Variants in ARHGAP44 observed in about 807,000 individuals in gnomAD.
ARHGAP44 encodes the protein Rho GTPase activating protein 44.
In ARHGAP44, 43 loss-of-function variants were observed where a neutral mutation model predicts 106.8. The ratio of observed to expected loss-of-function variants is 0.40; its 90% confidence interval spans 0.32 to 0.52. The LOEUF (loss-of-function observed/expected upper bound fraction) is 0.52. Among genes scored for constraint, ARHGAP44 ranks in the 20% least tolerant of loss-of-function variants. The pLI, the probability that ARHGAP44 is intolerant of heterozygous loss-of-function variation, is 0.48. For missense variants in ARHGAP44, 866 were observed against 1,050.5 expected (o/e 0.82, Z 2.43); for synonymous variants, 439 against 410.3 (o/e 1.07, Z -0.85).
chr17:12,886,969 TTTTTTG>T (rs200160739), intron 1 of ARHGAP44, among the ~76,000 whole-genome samples: 1,370 of 133,372 alleles, frequency 0.01, 25 homozygotes, highest in East Asian at 0.053. Context: ...TAAGAGTTTT[TTTTTTG>T]TTTTTTTTTT....
intron 7 of ARHGAP44, among the ~76,000 whole-genome samples, chr17:12,932,575 A>G (rs1368627147): frequency 6.6e-6 from 1 of 152,216 alleles, no homozygotes; most frequent in East Asian, 1.9e-4. Flanking sequence ...GACATCTTCT[A>G]CACAAAAGTT....
At chr17:12,860,844 T>C (rs1482121247) in intron 1 of ARHGAP44, among the ~76,000 whole-genome samples, 2 of 138,728 alleles carry the variant, frequency 1.4e-5, no homozygotes, top group African/African-American at 5.7e-5. Flanking sequence ...CGGTATATGG[T>C]TTTTTTCTAT....
At chr17:12,963,046 C>CAAAAAAAAAAAAAA (rs71369355) in intron 16 of ARHGAP44, among the ~76,000 whole-genome samples, 3 of 70,948 alleles carry the variant, frequency 4.2e-5, no homozygotes, top group South Asian at 4.3e-4. Flanking sequence ...AACACCATCT[C>CAAAAAAAAAAAAAA]AAAAAAAAAA....
chr17:12,902,485 C>G (rs924705157), intron 3 of ARHGAP44, among the ~76,000 whole-genome samples: 1 of 152,204 alleles, frequency 6.6e-6, no homozygotes, highest in African/African-American at 2.4e-5. Flanking sequence ...TCATTTATTT[C>G]CATCATTGTG....
intron 1 of ARHGAP44, among the ~76,000 whole-genome samples, chr17:12,881,954 G>C (rs913278898): frequency 3.3e-5 from 5 of 152,116 alleles, no homozygotes; most frequent in African/African-American, 1.2e-4. Flanking sequence ...TCCTGCCTCA[G>C]CCTCCCAAAG....
intron 3 of ARHGAP44, among the ~76,000 whole-genome samples, chr17:12,905,948 C>T (rs2037533213): frequency 6.6e-6 from 1 of 152,194 alleles, no homozygotes; most frequent in African/African-American, 2.4e-5. Context: ...TCAACCATGG[C>T]ACTATTGCCA....
chr17:12,813,340 A>G (rs1433912187), intron 1 of ARHGAP44, among the ~76,000 whole-genome samples: 1 of 152,040 alleles, frequency 6.6e-6, no homozygotes, highest in Non-Finnish European at 1.5e-5. Flanking sequence ...AGCAAATCAA[A>G]AGTAAAAATA....
chr17:12,882,438 ATCT>A (rs1232431263), intron 1 of ARHGAP44, among the ~76,000 whole-genome samples: 1 of 152,244 alleles, frequency 6.6e-6, no homozygotes, highest in East Asian at 1.9e-4. Context: ...TAGTTTTAAA[ATCT>A]TCTATTTTAG....
In ARHGAP44 at chr17:12,949,820, C is replaced by T. The variant is rs142359119; in HGVS notation, c.1055+90C>T. ...TATAGAAGCATGTAACCTATGATCT[C>T]GCAACCCCGTTTCTTGATCTCTGCC... On this transcript the variant is annotated intron_variant, in intron 12 of 20. Transcript: ENST00000379672. This position sits in a 1 kb window ranked among gnomAD's most constrained non-coding sequence, Gnocchi z 4.1. 154 of 1,284,446 alleles carry T rather than the reference C, an allele frequency of 1.2e-4. No individual in the cohort carries two copies. In the Middle Eastern group the frequency reaches 1.7e-3, roughly 15 times the overall value. The allele number at this position is 1,284,446 out of a possible 1,614,324, so 79.6% of individuals were successfully genotyped here.
At chr17:12,843,455 G>A (rs1390430083) in intron 1 of ARHGAP44, among the ~76,000 whole-genome samples, 1 of 151,822 alleles carries the variant, frequency 6.6e-6, no homozygotes, top group South Asian at 2.1e-4. Flanking sequence ...TTAGACAGCT[G>A]CCCTAAAATT....
At chr17:12,887,393 T>C (rs1371138307) in intron 1 of ARHGAP44, among the ~76,000 whole-genome samples, 1 of 152,066 alleles carries the variant, frequency 6.6e-6, no homozygotes, top group Non-Finnish European at 1.5e-5. Context: ...CATGCCTGGC[T>C]AATTTTTTCT....
At chr17:12,952,100 A>C (rs772108913) in intron 12 of ARHGAP44, among the ~76,000 whole-genome samples, 1 of 152,196 alleles carries the variant, frequency 6.6e-6, no homozygotes, top group African/African-American at 2.4e-5. Context: ...CGGAAACTCA[A>C]AAAGGACACA....
At chr17:12,898,956 GATTTATTT>G (rs71369351) in intron 3 of ARHGAP44, among the ~76,000 whole-genome samples, 21,583 of 149,096 alleles carry the variant, frequency 0.14, 2,407 homozygotes, top group East Asian at 0.34. Flanking sequence ...TCACTGCATG[GATTTATTT>G]ATTTATTTAT....
intron 1 of ARHGAP44, among the ~76,000 whole-genome samples, chr17:12,876,131 C>A (rs932057099): frequency 6.6e-6 from 1 of 152,060 alleles, no homozygotes; most frequent in Non-Finnish European, 1.5e-5. Context: ...TTTATCAGGC[C>A]CCTGCAGCTC....
intron 6 of ARHGAP44, among the ~76,000 whole-genome samples, chr17:12,926,890 T>C (rs1020815497): frequency 6.6e-6 from 1 of 152,184 alleles, no homozygotes; most frequent in Non-Finnish European, 1.5e-5. Context: ...TAATCTACCA[T>C]TGTGTTGTAG....
chr17:12,869,218 G>A (rs2036332781), intron 1 of ARHGAP44, among the ~76,000 whole-genome samples: 1 of 152,070 alleles, frequency 6.6e-6, no homozygotes, highest in Admixed American at 6.6e-5. Flanking sequence ...AGATATTTTG[G>A]AACGAGCAAG....
intron 1 of ARHGAP44, among the ~76,000 whole-genome samples, chr17:12,830,201 A>C (rs3785730): frequency 0.35 from 53,869 of 152,106 alleles, 13,197 homozygotes; most frequent in African/African-American, 0.7. Flanking sequence ...TCTTTTTCCT[A>C]TGATTGCTAA....
intron 13 of ARHGAP44, among the ~76,000 whole-genome samples, chr17:12,955,372 A>G (rs1381188494): frequency 6.6e-6 from 1 of 152,194 alleles, no homozygotes; most frequent in African/African-American, 2.4e-5. Flanking sequence ...TATTATCCCT[A>G]GGAGTAGAAT....
intron 6 of ARHGAP44, among the ~76,000 whole-genome samples, chr17:12,920,884 G>A (rs1419845200): frequency 6.6e-6 from 1 of 152,180 alleles, no homozygotes; most frequent in Non-Finnish European, 1.5e-5. Context: ...CAAAGGCCCT[G>A]AGACAGCATT....
Sources: gnomAD v4.1 joint callset for allele counts (sites outside exome capture counted in the v4.1 genomes callset) on GRCh38, gnomAD v4.1.1 for gene constraint, Gnocchi (gnomAD v3.1) non-coding constraint, MANE v1.5 for transcripts, NCBI Gene and HGNC (gene_info 2026-07-23, HGNC 2026-07-21) for gene names.